The following NAA38 variants were observed in gnomAD, a reference collection of about 807,000 sequenced individuals.
NAA38 encodes the protein LSM domain containing 1.
Under a neutral mutation model 12.6 loss-of-function variants are expected in NAA38, and 15 were observed. The ratio of observed to expected loss-of-function variants is 1.19; its 90% confidence interval spans 0.79 to 1.83. NAA38 has a LOEUF of 1.83. Among genes scored for constraint, NAA38 ranks in the 40% most tolerant of loss-of-function variants. NAA38 has a pLI of 0.00. For missense variants in NAA38, 183 were observed against 171.7 expected, an observed-to-expected ratio of 1.07 and a Z score of -0.37; for synonymous variants, 88 against 69.9, an observed-to-expected ratio of 1.26 and a Z score of -1.29.
At chr17:7,870,248 G>C (rs60450152) in intron 2 of NAA38, among the ~76,000 whole-genome samples, 45,278 of 151,900 alleles carry the variant, frequency 0.3, 7,918 homozygotes, top group East Asian at 0.83. Context: ...GGTGACAGAG[G>C]AAGACTCTGT....
chr17:7,884,903 GA>G, intron 1 of NAA38: 1 of 1,412,886 alleles, frequency 7.1e-7, no homozygotes, highest in Non-Finnish European at 9.4e-7. Context: ...CGAGGAGGAG[GA>G]GGAGGAGGTG....
intron 3 of NAA38, chr17:7,866,214 G>A (rs1355664909): frequency 4.0e-5 from 9 of 225,306 alleles, no homozygotes; most frequent in Non-Finnish European, 5.9e-5. Flanking sequence ...AGCCTCCCGA[G>A]TAGCTGGGAC....
At chr17:7,882,549 C>T (rs1325189814) in intron 2 of NAA38, among the ~76,000 whole-genome samples, 1 of 151,826 alleles carries the variant, frequency 6.6e-6, no homozygotes, top group Non-Finnish European at 1.5e-5. Context: ...GGGGGGATAA[C>T]CAGATGAACT....
chr17:7,885,170 G>A, exon 1 of NAA38: 1 of 980,900 alleles, frequency 1.0e-6, no homozygotes, highest in Non-Finnish European at 1.2e-6. Flanking sequence ...CCCACCGCGC[G>A]GCCGAGCCGA....
upstream of NAA38, chr17:7,857,775 T>A: frequency 7.9e-7 from 1 of 1,271,270 alleles, no homozygotes; most frequent in Non-Finnish European, 9.9e-7. Context: ...CTTGTTTTTC[T>A]GTCTCAGAGA....
At chr17:7,862,706 T>A (rs2078891129), upstream of NAA38, 1 of 137,058 alleles carries the variant, frequency 7.3e-6, no homozygotes, top group Admixed American at 8.2e-5. Flanking sequence ...GCCATTGCAC[T>A]CCAGCCTGGG....
At chr17:7,885,034 G>A (rs1351002629) in intron 1 of NAA38, 1 of 1,119,810 alleles carries the variant, frequency 8.9e-7, no homozygotes, top group Non-Finnish European at 1.1e-6. Flanking sequence ...TCCCGCCGCC[G>A]CCGCCGCCGC....
At chr17:7,857,708 C>T (rs549104617), upstream of NAA38, 860 of 1,307,108 alleles carry the variant, frequency 6.6e-4, 10 homozygotes, top group Middle Eastern at 0.012. Context: ...TGGTTTCTTA[C>T]ACATCCTTTA....
intron 2 of NAA38, among the ~76,000 whole-genome samples, chr17:7,872,368 TTTTTG>T (rs1254548481): frequency 6.6e-6 from 1 of 152,110 alleles, no homozygotes; most frequent in Non-Finnish European, 1.5e-5. Flanking sequence ...AGAATTACAT[TTTTTG>T]TTTTGTTTTG....
upstream of NAA38, chr17:7,858,439 G>A (rs1204214194): frequency 6.2e-7 from 1 of 1,614,096 alleles, no homozygotes; most frequent in Non-Finnish European, 8.5e-7. Flanking sequence ...GAAGTTGCAG[G>A]CCAGGATATC....
At chr17:7,885,406 C>T (rs1967732282), upstream of NAA38, among the ~76,000 whole-genome samples, 1 of 148,592 alleles carries the variant, frequency 6.7e-6, no homozygotes, top group African/African-American at 2.5e-5. Context: ...TCGGTCGCGG[C>T]TTTCGGGGGA....
intron 2 of NAA38, among the ~76,000 whole-genome samples, chr17:7,880,359 G>GAA (rs142996525): frequency 6.6e-6 from 1 of 151,734 alleles, no homozygotes; most frequent in African/African-American, 2.4e-5. Context: ...TTAAACTCAG[G>GAA]AAAACAGGCA....
rs1351908737 is a variant in NAA38, at chr17:7,885,034, GCCGCCGCCGCCGCCACCGCTGCCC to G, written c.-167+107_-167+130del. On this transcript the variant is annotated intron_variant, in intron 1 of 4. Coordinates refer to the NAA38 transcript ENST00000576861. ...CCGGCTGCCACCTCTTCCCGCCGCC[GCCGCCGCCGCCGCCACCGCTGCCC>G]CCGCCGCCGCCGCCCCCGCCGCCAG... 1.8e-5 allele frequency: 20 copies of G among 1,119,708 alleles called. No individual in the cohort carries two copies. Among genetic ancestry groups the G allele is most frequent in the East Asian group, 4.6e-5 (1 of 21,798 alleles). 69.4% of individuals were successfully genotyped at this position (1,119,708 alleles called of 1,614,324 possible). A position where few individuals can be genotyped will look rare whatever the true frequency, so the allele number is the denominator to read the frequency against.
upstream of NAA38, chr17:7,861,698 A>T (rs921279818): frequency 1.3e-5 from 2 of 152,126 alleles, no homozygotes; most frequent in Admixed American, 1.3e-4. Context: ...TCTTTTCTCC[A>T]AGTTACCATC....
Position 7,856,791 on chromosome 17 carries a change from T to G in NAA38, c.318A>C (p.Gly106=). The change falls in exon 3 of 3, where the codon GGA becomes GGC. Residue 106 remains glycine (G), a synonymous_variant. Coordinates refer to ENST00000575771, the MANE Select transcript of NAA38 (RefSeq NM_001320925.4). ...GCACCTCAATGGAAACGATGTGGTG[T>G]CCGGGTACCATGGCCAGGCCCAGCA... ...PRVLGLAMVP[G]HHIVSIEVQR... is the part of the protein sequence containing the mutation. 6.2e-7 allele frequency: 1 copy of G among 1,613,910 alleles called. No individual in the cohort carries two copies. The highest frequency in any genetic ancestry group is 8.5e-7 in the Non-Finnish European group (1 of 1,180,004).
upstream of NAA38, chr17:7,859,317 C>A: frequency 7.5e-7 from 1 of 1,341,060 alleles, no homozygotes; most frequent in Non-Finnish European, 1.1e-6. Flanking sequence ...GCACTTTGAT[C>A]CCAGCGTGTG....
chr17:7,863,224 A>G (rs1440300666), intron 3 of NAA38: 5 of 152,238 alleles, frequency 3.3e-5, no homozygotes, highest in African/African-American at 1.2e-4. Context: ...TAAATAGCCA[A>G]GTGGATATTT....
At chr17:7,857,967 G>A, upstream of NAA38, 2 of 1,473,824 alleles carry the variant, frequency 1.4e-6, no homozygotes, top group Non-Finnish European at 1.8e-6. Flanking sequence ...CCCCGCCCCT[G>A]ATATTTATCT....
chr17:7,857,564 G>A, upstream of NAA38: 1 of 1,412,390 alleles, frequency 7.1e-7, no homozygotes, highest in African/African-American at 1.4e-5. Context: ...CCTTTCGCGA[G>A]ATCCCCTCTC....
Sources: allele counts gnomAD v4.1 joint callset (sites outside exome capture counted in the v4.1 genomes callset), GRCh38; gene constraint gnomAD v4.1.1; transcripts MANE v1.5; gene names NCBI Gene and HGNC (gene_info 2026-07-23, HGNC 2026-07-21).